The following CTNND2 variants were observed in gnomAD, a reference collection of about 807,000 sequenced individuals.
The protein encoded by CTNND2 is catenin delta-2.
A neutral mutation model predicts 144.4 loss-of-function variants in CTNND2; 22 were observed. The ratio of observed to expected loss-of-function variants is 0.15; its 90% CI spans 0.11 to 0.22. CTNND2 has a LOEUF of 0.22. Among genes scored for constraint, CTNND2 ranks in the 10% least tolerant of loss-of-function variants. The pLI, the probability that CTNND2 is intolerant of heterozygous loss-of-function variation, is 1.00. For missense variants in CTNND2, 1,353 were observed against 1,618.8 expected, an observed-to-expected ratio of 0.84 and a Z score of 2.82; for synonymous variants, 751 against 695.6, an observed-to-expected ratio of 1.08 and a Z score of -1.25.
chr5:11,816,673 GA>G (rs1324030207), intron 1 of CTNND2, among the ~76,000 whole-genome samples: 1 of 104 alleles, frequency 9.6e-3, no homozygotes, highest in African/African-American at 9.8e-3. Context: ...GGAGGAGAGA[GA>G]GAGAGGGGGG....
At chr5:11,778,868 T>C (rs1288561402) in intron 1 of CTNND2, among the ~76,000 whole-genome samples, 1 of 152,246 alleles carries the variant, frequency 6.6e-6, no homozygotes, top group African/African-American at 2.4e-5. Context: ...GTGTGAGTCA[T>C]ATGGGAATTC....
At chr5:11,772,711 T>C (rs73047164) in intron 1 of CTNND2, among the ~76,000 whole-genome samples, 14,515 of 152,154 alleles carry the variant, frequency 0.095, 1,872 homozygotes, top group African/African-American at 0.29. Flanking sequence ...CAATTGAATG[T>C]CACACAAAGC....
At chr5:11,462,216 A>G (rs918418085) in intron 3 of CTNND2, among the ~76,000 whole-genome samples, 1 of 152,096 alleles carries the variant, frequency 6.6e-6, no homozygotes, top group African/African-American at 2.4e-5. Flanking sequence ...AAGAGCAAAG[A>G]CTGAGGATCA....
chr5:11,058,411 T>G (rs1453533476), intron 16 of CTNND2, among the ~76,000 whole-genome samples: 2 of 152,176 alleles, frequency 1.3e-5, no homozygotes, highest in Non-Finnish European at 2.9e-5. Context: ...CTTCAGAGGG[T>G]GCAAGCCCCA....
intron 15 of CTNND2, among the ~76,000 whole-genome samples, chr5:11,093,889 T>C (rs897872715): frequency 6.6e-6 from 1 of 152,288 alleles, no homozygotes; most frequent in South Asian, 2.1e-4. Context: ...AACTCATCCT[T>C]TGTCTTCTTG....
intron 2 of CTNND2, among the ~76,000 whole-genome samples, chr5:11,713,601 A>AAC (rs1786165058): frequency 6.6e-6 from 1 of 151,160 alleles, no homozygotes; most frequent in South Asian, 2.1e-4. Context: ...AAAAAAAAAA[A>AAC]AAAAATACCA....
At chr5:11,671,498 C>A (rs540474919) in intron 2 of CTNND2, among the ~76,000 whole-genome samples, 32 of 151,906 alleles carry the variant, frequency 2.1e-4, no homozygotes, top group Non-Finnish European at 2.4e-4. Context: ...TTTCTCTAAT[C>A]TTGTCTTCTC....
chr5:11,595,515 T>C (rs1236141984), intron 2 of CTNND2, among the ~76,000 whole-genome samples: 1 of 152,188 alleles, frequency 6.6e-6, no homozygotes, highest in African/African-American at 2.4e-5. Flanking sequence ...CTCACAAGCC[T>C]TTCTTCAATC....
At chr5:11,349,585 C>T (rs939124028) in intron 8 of CTNND2, among the ~76,000 whole-genome samples, 6 of 152,096 alleles carry the variant, frequency 3.9e-5, no homozygotes, top group Non-Finnish European at 7.4e-5. Context: ...TTACCTAATA[C>T]GGTCAGAAAA....
At chr5:11,547,624 G>A (rs982534354) in intron 3 of CTNND2, among the ~76,000 whole-genome samples, 4 of 152,092 alleles carry the variant, frequency 2.6e-5, no homozygotes, top group East Asian at 1.9e-4. Context: ...GCATTTAATC[G>A]AAGAAAAGAC....
intron 16 of CTNND2, among the ~76,000 whole-genome samples, chr5:11,078,657 G>C (rs1432998861): frequency 6.6e-6 from 1 of 152,144 alleles, no homozygotes; most frequent in Non-Finnish European, 1.5e-5. Flanking sequence ...ACAATACCAA[G>C]TAGTTAGTAT....
At position 11,486,575 on chromosome 5, in the gene CTNND2, T is replaced by C. The variant is rs116034455; in HGVS notation, c.288-74506A>G. Among the ~76,000 whole-genome samples the C allele has an allele frequency of 6.9e-3, 1,041 of 150,888 alleles. 15 individuals are homozygous for C. The highest frequency in any genetic ancestry group is 0.024 in the African/African-American group (997 of 41,092). On this transcript the variant is annotated intron_variant, in intron 3 of 21. Transcript: ENST00000304623. ...AGAAGGAAGAAACAAAAGGAGGACA[T>C]TGGAGGGAGAGACAGGGGAAGGAGG...
intron 1 of CTNND2, among the ~76,000 whole-genome samples, chr5:11,812,460 A>C (rs2126911726): frequency 6.6e-6 from 1 of 152,204 alleles, no homozygotes; most frequent in South Asian, 2.1e-4. Flanking sequence ...CTCCCCAGTA[A>C]CAGACACTGT....
chr5:11,893,827 C>T (rs1334061547), intron 1 of CTNND2, among the ~76,000 whole-genome samples: 1 of 152,166 alleles, frequency 6.6e-6, no homozygotes, highest in Non-Finnish European at 1.5e-5. Flanking sequence ...ACAACCCATG[C>T]TAAACTGCTG....
intron 3 of CTNND2, among the ~76,000 whole-genome samples, chr5:11,526,385 T>C (rs1007950276): frequency 5.3e-5 from 8 of 152,174 alleles, no homozygotes; most frequent in African/African-American, 1.9e-4. Flanking sequence ...GGTTCTGTCA[T>C]ATGTTGTTTT....
At chr5:11,694,328 A>G (rs1316304975) in intron 2 of CTNND2, among the ~76,000 whole-genome samples, 1 of 151,750 alleles carries the variant, frequency 6.6e-6, no homozygotes, top group Admixed American at 6.6e-5. Flanking sequence ...CCAGCTACTC[A>G]GGAGGCTGAG....
At chr5:11,373,376 G>A (rs746358479) in intron 7 of CTNND2, among the ~76,000 whole-genome samples, 6 of 152,140 alleles carry the variant, frequency 3.9e-5, no homozygotes, top group Non-Finnish European at 8.8e-5. Flanking sequence ...CCATGTCTGG[G>A]TCAGGGTGGA....
intron 1 of CTNND2, among the ~76,000 whole-genome samples, chr5:11,760,661 G>C (rs1789206085): frequency 6.6e-6 from 1 of 152,142 alleles, no homozygotes; most frequent in African/African-American, 2.4e-5. Flanking sequence ...AGGAAGAGTA[G>C]GGAGTGGAGC....
intron 11 of CTNND2, among the ~76,000 whole-genome samples, chr5:11,181,590 G>A (rs1233916629): frequency 6.6e-6 from 1 of 152,158 alleles, no homozygotes; most frequent in East Asian, 1.9e-4. Flanking sequence ...GTGGAACTGC[G>A]TCTGGTAGAG....
Sources: gnomAD v4.1 joint callset for allele counts (sites outside exome capture counted in the v4.1 genomes callset) on GRCh38, gnomAD v4.1.1 for gene constraint, MANE v1.5 for transcripts, NCBI Gene and HGNC (gene_info 2026-07-23, HGNC 2026-07-21) for gene names.